Variants in GRIA4 observed in about 807,000 individuals in gnomAD.
GRIA4 encodes glutamate receptor 4.
A neutral mutation model predicts 104.0 loss-of-function variants in GRIA4; 34 were observed. The ratio of observed to expected loss-of-function variants is 0.33; its 90% confidence interval spans 0.25 to 0.44. The LOEUF is 0.44. Ranked by LOEUF, GRIA4 falls within the 20% of genes least tolerant of loss-of-function variation. The pLI is 1.00. For synonymous variants in GRIA4, 386 were observed against 381.9 expected (o/e 1.01, Z -0.13); for missense variants, 750 against 1,096.5 (o/e 0.68, Z 4.46).
At chr11:105,800,846 C>A (rs1027720773) in intron 4 of GRIA4, among the ~76,000 whole-genome samples, 1 of 151,876 alleles carries the variant, frequency 6.6e-6, no homozygotes, top group African/African-American at 2.4e-5. Flanking sequence ...ACAAGGTTTT[C>A]TTCCATGAAT....
At chr11:105,873,134 C>G (rs1945679227) in intron 5 of GRIA4, among the ~76,000 whole-genome samples, 1 of 152,116 alleles carries the variant, frequency 6.6e-6, no homozygotes, top group South Asian at 2.1e-4. Context: ...TCCCTATATT[C>G]TCATTGTTCA....
chr11:105,763,894 T>G (rs1242327593), intron 4 of GRIA4, among the ~76,000 whole-genome samples: 1 of 152,216 alleles, frequency 6.6e-6, no homozygotes, highest in Non-Finnish European at 1.5e-5. Context: ...GGGAGCCATT[T>G]AGCTCTTATG....
chr11:105,905,674 T>A (rs1468316568), intron 9 of GRIA4, among the ~76,000 whole-genome samples: 1 of 152,196 alleles, frequency 6.6e-6, no homozygotes, highest in Non-Finnish European at 1.5e-5. Context: ...TTAGAGCAAG[T>A]ACAAACAAAC....
chr11:105,694,767 T>A (rs188745918), intron 3 of GRIA4, among the ~76,000 whole-genome samples: 1 of 152,352 alleles, frequency 6.6e-6, no homozygotes, highest in East Asian at 1.9e-4. Flanking sequence ...AGCTTTCTAA[T>A]AACTAAATAT....
chr11:105,703,095 A>C (rs1953563566), intron 3 of GRIA4, among the ~76,000 whole-genome samples: 1 of 152,172 alleles, frequency 6.6e-6, no homozygotes, highest in African/African-American at 2.4e-5. Context: ...AGTAAGAAAA[A>C]TCAACCTATA....
At chr11:105,633,976 A>G in intron 3 of GRIA4, among the ~76,000 whole-genome samples, 1 of 152,276 alleles carries the variant, frequency 6.6e-6, no homozygotes, top group South Asian at 2.1e-4. Flanking sequence ...GGGTTACTCA[A>G]TCTTCCTAAG....
At position 105,979,979 on chromosome 11, in the gene GRIA4, G is replaced by A; in HGVS notation, c.*240G>A. The A allele has an allele frequency of 2.4e-6, 1 of 418,380 alleles. No individual in the cohort carries two copies. Among genetic ancestry groups the A allele is most frequent in the Non-Finnish European group, 4.4e-6 (1 of 228,170 alleles). The allele number at this position is 418,380 out of a possible 1,614,324, so 25.9% of individuals were successfully genotyped here. On this transcript the variant is annotated 3_prime_UTR_variant, in exon 17 of 17. Transcript: ENST00000282499. ...ACAATTGAGGTTTTTTTCGGGGAGT[G>A]GGTGGGGGAGGGATCTGGGATGGGT...
At chr11:105,692,580 C>T (rs1160165467) in intron 3 of GRIA4, among the ~76,000 whole-genome samples, 1 of 152,202 alleles carries the variant, frequency 6.6e-6, no homozygotes, top group Non-Finnish European at 1.5e-5. Context: ...ACTTATTTAA[C>T]TGCTAAGTTG....
At chr11:105,722,128 A>C (rs1937863789) in intron 3 of GRIA4, among the ~76,000 whole-genome samples, 1 of 152,138 alleles carries the variant, frequency 6.6e-6, no homozygotes, top group Non-Finnish European at 1.5e-5. Context: ...TAAAAATCAG[A>C]TGGTGCTAAT....
At chr11:105,940,664 A>G (rs1948160310) in intron 14 of GRIA4, among the ~76,000 whole-genome samples, 1 of 152,188 alleles carries the variant, frequency 6.6e-6, no homozygotes, top group African/African-American at 2.4e-5. Flanking sequence ...TTGGTACATC[A>G]TAAGTAAATA....
chr11:105,762,994 A>G (rs1940740211), intron 4 of GRIA4, among the ~76,000 whole-genome samples: 1 of 152,216 alleles, frequency 6.6e-6, no homozygotes, highest in Non-Finnish European at 1.5e-5. Context: ...GAGATTGTTG[A>G]ATCATATTGA....
rs536812031 is a variant in GRIA4, at chr11:105,791,390, A to C, written c.487+38170A>C. 2.0e-5 allele frequency among the ~76,000 whole-genome samples: 3 copies of C among 152,312 alleles called. No individual in the cohort carries two copies. The South Asian group carries it at 6.2e-4, about 32-fold the overall frequency. ...TCTCAACAAAAAACAATGATTGTGC[A>C]TTTAATGCATAATGTTCTTCTATAG... On this transcript the variant is annotated intron_variant, in intron 4 of 16. Transcript: ENST00000282499.
At position 105,765,804 on chromosome 11, in the gene GRIA4, C is replaced by T. The variant is rs922640915; in HGVS notation, c.487+12584C>T. Among the ~76,000 whole-genome samples, 16 of 152,284 alleles carry T rather than the reference C, an allele frequency of 1.1e-4. No individual in the cohort carries two copies. The South Asian group carries it at 2.9e-3, about 28-fold the overall frequency. On this transcript the variant is annotated intron_variant, in intron 4 of 16. Coordinates refer to ENST00000282499, the MANE Select transcript of GRIA4 (RefSeq NM_000829.4). ...GTTGCAACAGGCACAGTATAGCCTA[C>T]AGTATTTTCTAGCTGGCTAGCCCCT...
Position 105,932,620 on chromosome 11 carries a change from G to A in GRIA4, c.2047-1102G>A, listed in dbSNP as rs1022133944. Among the ~76,000 whole-genome samples, 66 of 152,264 alleles carry A rather than the reference G, an allele frequency of 4.3e-4. 1 individual carries two copies. Among genetic ancestry groups the A allele is most frequent in the African/African-American group, 1.6e-3 (65 of 41,554 alleles). On this transcript the variant is annotated intron_variant, in intron 13 of 16. Coordinates refer to ENST00000282499, the MANE Select transcript of GRIA4 (RefSeq NM_000829.4). ...ATAGATAGAGCTCAAGTAGACAGAAGTAATTTACAAATATAAATAAGTTTC... is the reference window on the plus strand; with the variant it reads ...ATAGATAGAGCTCAAGTAGACAGAAATAATTTACAAATATAAATAAGTTTC...
chr11:105,623,332 A>G (rs1374922801), intron 3 of GRIA4, among the ~76,000 whole-genome samples: 5 of 151,958 alleles, frequency 3.3e-5, no homozygotes. Context: ...TAATTTCATA[A>G]TTAATTTCCT....
chr11:105,862,619 T>A (rs1449674659), intron 5 of GRIA4: 1 of 169,404 alleles, frequency 5.9e-6, no homozygotes, highest in East Asian at 1.8e-4. Flanking sequence ...AACAGCAACA[T>A]AAATTACTAA....
At chr11:105,863,910 T>C (rs1357011196) in intron 5 of GRIA4, among the ~76,000 whole-genome samples, 4 of 152,216 alleles carry the variant, frequency 2.6e-5, no homozygotes, top group African/African-American at 9.6e-5. Flanking sequence ...GGATAAACTC[T>C]GAATAAGCCG....
At chr11:105,645,013 C>G (rs2135363571) in intron 3 of GRIA4, among the ~76,000 whole-genome samples, 1 of 152,220 alleles carries the variant, frequency 6.6e-6, no homozygotes, top group South Asian at 2.1e-4. Flanking sequence ...ACTTCCAGCT[C>G]TTGACCTCCA....
At chr11:105,806,981 T>C (rs1942979137) in intron 4 of GRIA4, among the ~76,000 whole-genome samples, 1 of 151,776 alleles carries the variant, frequency 6.6e-6, no homozygotes, top group South Asian at 2.1e-4. Context: ...TTAAGAGATA[T>C]TGAGAATCAG....
Sources: allele counts gnomAD v4.1 joint callset (sites outside exome capture counted in the v4.1 genomes callset), GRCh38; gene constraint gnomAD v4.1.1; transcripts MANE v1.5; gene names NCBI Gene and HGNC (gene_info 2026-07-23, HGNC 2026-07-21).